Variants in ST8SIA6 observed in about 807,000 individuals in gnomAD.
ST8SIA6 encodes ST8 alpha-N-acetyl-neuraminide alpha-2,8-sialyltransferase 6, also known as alpha-2,8-sialyltransferase 8F.
ST8SIA6 carries 39 observed loss-of-function variants against 33.6 expected under a neutral mutation model. The ratio of observed to expected loss-of-function variants is 1.16; its 90% confidence interval spans 0.90 to 1.52. The LOEUF (loss-of-function observed/expected upper bound fraction) is 1.52. Among genes scored for constraint, ST8SIA6 ranks in the 40% most tolerant of loss-of-function variants. ST8SIA6 has a pLI of 0.00. For missense variants in ST8SIA6, 441 were observed against 443.8 expected (o/e 0.99, Z 0.06); for synonymous variants, 172 against 167.2 (o/e 1.03, Z -0.22).
intron 2 of ST8SIA6, among the ~76,000 whole-genome samples, chr10:17,418,720 C>T (rs1209864426): frequency 1.3e-5 from 2 of 152,124 alleles, no homozygotes; most frequent in South Asian, 2.1e-4. Context: ...TAGCTGGGCG[C>T]GATGGCTCAT....
At chr10:17,423,466 T>G (rs934017034) in intron 2 of ST8SIA6, among the ~76,000 whole-genome samples, 10 of 152,238 alleles carry the variant, frequency 6.6e-5, no homozygotes. Flanking sequence ...TTTGGTTCTT[T>G]GCATGCCTAG....
chr10:17,327,782 C>T (rs1395274183), intron 5 of ST8SIA6, among the ~76,000 whole-genome samples: 1 of 151,816 alleles, frequency 6.6e-6, no homozygotes, highest in Non-Finnish European at 1.5e-5. Flanking sequence ...TGAAGAGCGC[C>T]AGTAGTCTTT....
Position 17,333,763 on chromosome 10 carries a change from C to G in ST8SIA6, c.378-2211G>C, listed in dbSNP as rs1848411833. ...TTTTGCTACAGTCTTGCTCTGTCCC[C>G]CAGGTTGGAGTGCAGCGGCACAATT... On this transcript the variant is annotated intron_variant, in intron 4 of 7. Coordinates refer to ENST00000377602, the MANE Select transcript of ST8SIA6 (RefSeq NM_001004470.3). 3.4e-5 allele frequency among the ~76,000 whole-genome samples: 4 copies of G among 117,696 alleles called. 1 individual carries two copies. The Admixed American group carries it at 4.1e-4, about 12-fold the overall frequency. 77.2% of individuals were successfully genotyped at this position (117,696 alleles called of 152,430 possible). A position where few individuals can be genotyped will look rare whatever the true frequency, so the allele number is the denominator to read the frequency against.
intron 2 of ST8SIA6, among the ~76,000 whole-genome samples, chr10:17,444,226 A>C (rs1209927475): frequency 9.9e-5 from 15 of 152,218 alleles, no homozygotes; most frequent in Non-Finnish European, 2.9e-5. Flanking sequence ...ACAAGACCAG[A>C]CAACGCTACC....
rs1307643707 is a variant in ST8SIA6, at chr10:17,324,447, G to C, written c.636-1290C>G. Among the ~76,000 whole-genome samples, 8 of 152,060 alleles carry C rather than the reference G, an allele frequency of 5.3e-5. No homozygotes were observed. In the East Asian group the frequency reaches 1.5e-3, roughly 29 times the overall value. On this transcript the variant is annotated intron_variant, in intron 6 of 7. Transcript: ENST00000377602. ...TAATCATAGGTACTAGGCCATAAAG[G>C]TGATCTCAGTAGTGGGCCTCCCACA... is the stretch of plus-strand genomic sequence containing the variant.
intron 3 of ST8SIA6, among the ~76,000 whole-genome samples, chr10:17,374,351 C>G (rs1207002024): frequency 2.0e-5 from 3 of 152,024 alleles, no homozygotes; most frequent in Non-Finnish European, 4.4e-5. Flanking sequence ...GTTAAACCAC[C>G]TTTTAATAAA....
At chr10:17,378,987 G>T (rs781248929) in intron 3 of ST8SIA6, among the ~76,000 whole-genome samples, 9 of 152,026 alleles carry the variant, frequency 5.9e-5, no homozygotes, top group African/African-American at 1.9e-4. Context: ...TTAGCTGGGC[G>T]TGGTGGCAGG....
intron 3 of ST8SIA6, among the ~76,000 whole-genome samples, chr10:17,383,219 C>T (rs1263814863): frequency 2.0e-5 from 3 of 151,594 alleles, no homozygotes; most frequent in Admixed American, 6.6e-5. Context: ...TGTTTTAAAC[C>T]TTTGATATAT....
At chr10:17,321,834 C>G (rs1458409201) in intron 7 of ST8SIA6, among the ~76,000 whole-genome samples, 1 of 152,118 alleles carries the variant, frequency 6.6e-6, no homozygotes, top group Non-Finnish European at 1.5e-5. Flanking sequence ...GGCACAGAGG[C>G]TCATGCTTGT....
chr10:17,368,276 C>G (rs1000684410), intron 3 of ST8SIA6, among the ~76,000 whole-genome samples: 3 of 147,324 alleles, frequency 2.0e-5, no homozygotes, highest in Non-Finnish European at 3.0e-5. Flanking sequence ...ATTAGCCAGG[C>G]ATGGTGGCAC....
chr10:17,377,830 A>G (rs1231350164), intron 3 of ST8SIA6, among the ~76,000 whole-genome samples: 2 of 152,184 alleles, frequency 1.3e-5, no homozygotes, highest in African/African-American at 4.8e-5. Context: ...TTCTAAGAAA[A>G]CGAAATTACT....
intron 3 of ST8SIA6, among the ~76,000 whole-genome samples, chr10:17,386,175 T>TCACACA (rs371809115): frequency 6.8e-4 from 102 of 150,078 alleles, no homozygotes; most frequent in African/African-American, 6.1e-4. Flanking sequence ...AGTGAGACTG[T>TCACACA]CACACACACA....
chr10:17,323,227 G>GCGCGGA (rs1554783509), intron 6 of ST8SIA6, 70 bp from the exon 7 acceptor site: 1 of 806,862 alleles, frequency 1.2e-6, no homozygotes, highest in African/African-American at 3.5e-5. Context: ...ACACATATGC[G>GCGCGGA]CGCACACACA....
Position 17,384,074 on chromosome 10 carries a change from G to A in ST8SIA6, c.290+6457C>T, listed in dbSNP as rs1277120966. 2.6e-5 allele frequency among the ~76,000 whole-genome samples: 4 copies of A among 152,172 alleles called. No homozygotes were observed. In the East Asian group the frequency reaches 7.7e-4, roughly 29 times the overall value. On this transcript the variant is annotated intron_variant, in intron 3 of 7. Transcript: ENST00000377602. ...TGGAGAAACTGGTTATTTTACCAAG[G>A]CTTTGACTGGAATGATGTGCTTTCC...
chr10:17,345,685 C>T (rs567587917), intron 4 of ST8SIA6, among the ~76,000 whole-genome samples: 23 of 152,212 alleles, frequency 1.5e-4, no homozygotes, highest in Admixed American at 1.5e-3. Flanking sequence ...ACAGGCATCA[C>T]AAAATCAACA....
At chr10:17,395,551 AT>A (rs1176904533) in intron 2 of ST8SIA6, among the ~76,000 whole-genome samples, 3 of 152,076 alleles carry the variant, frequency 2.0e-5, no homozygotes, top group African/African-American at 7.2e-5. Flanking sequence ...CAAAAAAAAA[AT>A]TTTTTTAATT....
At chr10:17,358,673 AAAGAAGAAGAGGAAGAGGAAAAAGG>A (rs1849280494) in intron 4 of ST8SIA6, among the ~76,000 whole-genome samples, 1 of 72,044 alleles carries the variant, frequency 1.4e-5, no homozygotes, top group African/African-American at 5.5e-5. Flanking sequence ...AGGAAAGAAG[AAAGAAGAAGAGGAAGAGGAAAAAGG>A]AGGAGGAGGA....
chr10:17,436,273 A>G (rs1421835392), intron 2 of ST8SIA6, among the ~76,000 whole-genome samples: 1 of 152,036 alleles, frequency 6.6e-6, no homozygotes, highest in Non-Finnish European at 1.5e-5. Flanking sequence ...ATGTTGTGGG[A>G]GGGTCCCTGG....
intron 3 of ST8SIA6, among the ~76,000 whole-genome samples, chr10:17,384,716 C>A (rs183011228): frequency 1.8e-4 from 28 of 152,228 alleles, no homozygotes; most frequent in Non-Finnish European, 1.3e-4. Context: ...AGAACTGAAG[C>A]CAGACAATTT....
Sources: allele counts gnomAD v4.1 joint callset (sites outside exome capture counted in the v4.1 genomes callset), GRCh38; gene constraint gnomAD v4.1.1; transcripts MANE v1.5; gene names NCBI Gene and HGNC (gene_info 2026-07-23, HGNC 2026-07-21).